Variants in IMMP2L observed in about 807,000 individuals in gnomAD.
IMMP2L encodes the protein inner mitochondrial membrane peptidase subunit 2, also known as mitochondrial inner membrane protease subunit 2.
A neutral mutation model predicts 19.3 loss-of-function variants in IMMP2L; 18 were observed. That is an observed-to-expected ratio of 0.93 (90% CI 0.64 to 1.38). IMMP2L has a LOEUF of 1.38. IMMP2L is among the 40% of genes most tolerant of loss of function. The probability of loss-of-function intolerance (pLI) is 0.00; values close to 1 mark genes in which losing one functional copy is unlikely to be tolerated. For synonymous variants in IMMP2L, 76 were observed against 73.0 expected (o/e 1.04, Z -0.21); for missense variants, 233 against 218.2 (o/e 1.07, Z -0.43).
intron 3 of IMMP2L, among the ~76,000 whole-genome samples, chr7:111,103,860 C>T (rs1023407851): frequency 6.6e-6 from 1 of 151,588 alleles, no homozygotes; most frequent in Non-Finnish European, 1.5e-5. Flanking sequence ...GGCAGCAGCA[C>T]AGAAAGAACG....
intron 2 of IMMP2L, among the ~76,000 whole-genome samples, chr7:111,488,562 T>G (rs1262451526): frequency 6.6e-6 from 1 of 152,140 alleles, no homozygotes; most frequent in Non-Finnish European, 1.5e-5. Flanking sequence ...CACATTTTCT[T>G]TATCCACTCG....
At chr7:111,132,817 T>C (rs1162546423) in intron 3 of IMMP2L, among the ~76,000 whole-genome samples, 5 of 152,034 alleles carry the variant, frequency 3.3e-5, no homozygotes, top group Non-Finnish European at 1.5e-5. Context: ...TGATCATCTA[T>C]ATGTCTGAGT....
intron 3 of IMMP2L, among the ~76,000 whole-genome samples, chr7:111,371,146 A>T (rs1425852397): frequency 1.3e-5 from 2 of 151,938 alleles, no homozygotes; most frequent in Non-Finnish European, 2.9e-5. Context: ...TGCCCTCAAA[A>T]TACATAGCAA....
chr7:110,753,753 G>GGTGT lies in IMMP2L; in HGVS notation c.409-90036_409-90033dup, dbSNP rs948670332. ...TTTGAAAGTGTGTGTGTGAGTGTGG[G>GGTGT]GTGTGTGTGTGTGTGTGTGTGTGTG... On this transcript the variant is annotated intron_variant, in intron 5 of 5. Transcript: ENST00000405709. Among the ~76,000 whole-genome samples, 8 of 147,136 alleles carry GGTGT rather than the reference G, an allele frequency of 5.4e-5. No homozygotes were observed. In the Middle Eastern group the frequency reaches 0.01, roughly 190 times the overall value.
intron 4 of IMMP2L, among the ~76,000 whole-genome samples, chr7:110,894,344 C>T (rs1018397624): frequency 1.3e-5 from 2 of 152,176 alleles, no homozygotes; most frequent in Non-Finnish European, 2.9e-5. Flanking sequence ...TTTTCCAAAG[C>T]AGTGGGACTA....
chr7:110,779,720 G>A (rs1006300856), intron 5 of IMMP2L, among the ~76,000 whole-genome samples: 2 of 151,848 alleles, frequency 1.3e-5, no homozygotes, highest in African/African-American at 4.8e-5. Context: ...GGACACCGCA[G>A]CATATTCTAC....
In IMMP2L at chr7:110,806,129, T is replaced by A. The variant is rs1332117919; in HGVS notation, c.408+80464A>T. The stretch of plus-strand genomic sequence containing the variant: ...AGAGGGAACCTGGTGAGTAATAAGA[T>A]GGATAGCTAAATCCATGAAATTACT... On this transcript the variant is annotated intron_variant, in intron 5 of 5. Coordinates refer to ENST00000405709, the MANE Select transcript of IMMP2L (RefSeq NM_032549.4). 2.0e-5 allele frequency among the ~76,000 whole-genome samples: 3 copies of A among 152,024 alleles called. No homozygotes were observed. In the East Asian group the frequency reaches 5.8e-4, roughly 29 times the overall value.
At chr7:110,880,711 T>G (rs374833916) in intron 5 of IMMP2L, among the ~76,000 whole-genome samples, 1 of 152,126 alleles carries the variant, frequency 6.6e-6, no homozygotes, top group Non-Finnish European at 1.5e-5. Flanking sequence ...TAAGCACTTA[T>G]GAAATTGCTA....
intron 3 of IMMP2L, among the ~76,000 whole-genome samples, chr7:111,193,988 T>C (rs1809186583): frequency 6.6e-6 from 1 of 152,170 alleles, no homozygotes; most frequent in Non-Finnish European, 1.5e-5. Flanking sequence ...TTTAGACCAG[T>C]CCACTTTTAA....
At chr7:111,238,572 A>C (rs764947786) in intron 3 of IMMP2L, among the ~76,000 whole-genome samples, 4 of 151,910 alleles carry the variant, frequency 2.6e-5, no homozygotes, top group Non-Finnish European at 5.9e-5. Context: ...ATTTAATATA[A>C]TTCTGTCTCT....
Position 110,663,556 on chromosome 7 carries a change from C to T in IMMP2L, c.*46G>A, listed in dbSNP as rs1431111654. On this transcript the variant is annotated 3_prime_UTR_variant, in exon 6 of 6. Transcript: ENST00000405709. Reference sequence around the variant, plus strand: ...GAGGCTTCTTTTTTCCATTCCTTTCCAGTAACTGGCCTCCCAATGCCAGCA... The same window carrying T: ...GAGGCTTCTTTTTTCCATTCCTTTCTAGTAACTGGCCTCCCAATGCCAGCA... The T allele has an allele frequency of 2.1e-5, 33 of 1,598,726 alleles. No homozygotes were observed. Among genetic ancestry groups the T allele is most frequent in the Non-Finnish European group, 2.6e-5 (30 of 1,168,426 alleles).
At chr7:110,668,203 T>G (rs1791594388) in intron 5 of IMMP2L, among the ~76,000 whole-genome samples, 1 of 152,186 alleles carries the variant, frequency 6.6e-6, no homozygotes, top group African/African-American at 2.4e-5. Flanking sequence ...TTGTTTCACG[T>G]CTGGAAAAGG....
chr7:110,949,270 A>G (rs916100848), intron 4 of IMMP2L, among the ~76,000 whole-genome samples: 4 of 152,166 alleles, frequency 2.6e-5, no homozygotes, highest in Non-Finnish European at 4.4e-5. Flanking sequence ...AACTTAAGAC[A>G]TATATCTTCA....
At chr7:111,542,346 A>G (rs1848571883) in intron 1 of IMMP2L, among the ~76,000 whole-genome samples, 1 of 152,154 alleles carries the variant, frequency 6.6e-6, no homozygotes. Flanking sequence ...AAAATTTTAT[A>G]TCACTATGTT....
At chr7:111,445,951 C>T (rs1838338463) in intron 3 of IMMP2L, among the ~76,000 whole-genome samples, 1 of 152,134 alleles carries the variant, frequency 6.6e-6, no homozygotes, top group Non-Finnish European at 1.5e-5. Context: ...GTGATGGACG[C>T]ACCTGGAAAA....
intron 3 of IMMP2L, among the ~76,000 whole-genome samples, chr7:111,120,499 G>C (rs1027870349): frequency 1.3e-5 from 2 of 152,046 alleles, no homozygotes; most frequent in Admixed American, 1.3e-4. Context: ...ACAACACATG[G>C]GAATTATCGG....
chr7:110,746,935 A>C (rs1208293995), intron 5 of IMMP2L, among the ~76,000 whole-genome samples: 3 of 152,198 alleles, frequency 2.0e-5, no homozygotes, highest in Non-Finnish European at 4.4e-5. Context: ...AGACACAAAA[A>C]ACCCTTCAAA....
intron 5 of IMMP2L, among the ~76,000 whole-genome samples, chr7:110,882,287 GCCTTCCTTCCTTCCTT>G (rs111710073): frequency 0.013 from 1,540 of 122,170 alleles, 48 homozygotes; most frequent in African/African-American, 0.048. Flanking sequence ...TTTGTCAAGT[GCCTTCCTTCCTTCCTT>G]CCTTCCTTCC....
chr7:111,357,031 G>A (rs968068897), intron 3 of IMMP2L, among the ~76,000 whole-genome samples: 1 of 151,892 alleles, frequency 6.6e-6, no homozygotes, highest in African/African-American at 2.4e-5. Context: ...CAAAAAAAAA[G>A]CACATATATG....
Sources: gnomAD v4.1 joint callset for allele counts (sites outside exome capture counted in the v4.1 genomes callset) on GRCh38, gnomAD v4.1.1 for gene constraint, MANE v1.5 for transcripts, NCBI Gene and HGNC (gene_info 2026-07-23, HGNC 2026-07-21) for gene names.